NHSL2: variants seen among roughly 807,000 people sequenced by gnomAD.
The protein encoded by NHSL2 is NHS-like protein 2.
NHSL2 carries 27 observed loss-of-function variants against 53.4 expected under a neutral mutation model. The observed-to-expected ratio is 0.51, with a 90% CI of 0.37 to 0.70. NHSL2 has a LOEUF of 0.70. Among genes scored for constraint, NHSL2 ranks in the 30% least tolerant of loss-of-function variants. The pLI is 0.00. For synonymous variants in NHSL2, 408 were observed against 404.1 expected (o/e 1.01, Z -0.12); for missense variants, 892 against 980.1 (o/e 0.91, Z 1.20).
intron 1 of NHSL2, among the ~76,000 whole-genome samples, chrX:71,959,746 C>A (rs747581978): frequency 8.9e-6 from 1 of 112,115 alleles, no homozygotes; most frequent in Non-Finnish European, 1.9e-5. Context: ...AAAATAGCTT[C>A]TTTTACTTAA....
intron 1 of NHSL2, among the ~76,000 whole-genome samples, chrX:72,102,698 A>T (rs1259600913): frequency 1.8e-5 from 2 of 112,676 alleles, no homozygotes. Context: ...TATAATTTGT[A>T]AGTCACAGAA....
intron 1 of NHSL2, among the ~76,000 whole-genome samples, chrX:72,032,089 TAAAA>T (rs68182187): frequency 2.9e-5 from 3 of 103,127 alleles, no homozygotes; most frequent in Non-Finnish European, 5.8e-5. Context: ...GCCACTGAAG[TAAAA>T]AAAAAAAAAA....
chrX:72,093,746 C>A lies in NHSL2; in HGVS notation c.281-38333C>A, dbSNP rs1179451526. Among the ~76,000 whole-genome samples, 68 of 105,818 alleles carry A rather than the reference C, an allele frequency of 6.4e-4. No individual in the cohort carries two copies. The Admixed American group carries it at 7.0e-3, about 11-fold the overall frequency. The allele number at this position is 105,818 out of a possible 115,157, so 91.9% of individuals were successfully genotyped here. A position where few individuals can be genotyped will look rare whatever the true frequency, so the allele number is the denominator to read the frequency against. ...GCTTTCTTTCTTTCTTTCTTTCTTT[C>A]TTTCTTTCTTTCTTTCTTTCTTTCT... On this transcript the variant is annotated intron_variant, in intron 1 of 7. Coordinates refer to ENST00000633930, the MANE Select transcript of NHSL2 (RefSeq NM_001013627.3).
chrX:71,948,704 C>G (rs780599233), intron 1 of NHSL2, among the ~76,000 whole-genome samples: 1 of 109,499 alleles, frequency 9.1e-6, no homozygotes, highest in South Asian at 4.1e-4. Context: ...GAGGCACGCA[C>G]CTGTAGTCCC....
chrX:71,986,291 G>A (rs1028879127), intron 1 of NHSL2, among the ~76,000 whole-genome samples: 1 of 111,603 alleles, frequency 9.0e-6, no homozygotes, highest in African/African-American at 3.3e-5. Context: ...AAATATTAAA[G>A]GCTTAAGTCA....
chrX:72,136,669 C>A (rs2042358193), intron 4 of NHSL2, among the ~76,000 whole-genome samples: 1 of 111,361 alleles, frequency 9.0e-6, no homozygotes, highest in South Asian at 3.7e-4. Context: ...CACAGTCAAG[C>A]AGCATCTAGT....
chrX:72,094,511 T>C (rs1344785133), intron 1 of NHSL2, among the ~76,000 whole-genome samples: 1 of 108,895 alleles, frequency 9.2e-6, no homozygotes, highest in African/African-American at 3.3e-5. Flanking sequence ...AAAGAGTTCG[T>C]CATCTAAAAA....
chrX:71,959,811 CT>C (rs916811733), intron 1 of NHSL2, among the ~76,000 whole-genome samples: 39 of 111,755 alleles, frequency 3.5e-4, no homozygotes, highest in Non-Finnish European at 4.9e-4. Context: ...ATATCATTCT[CT>C]TTTTTTTGTG....
chrX:71,974,423 C>T (rs1249292700), intron 1 of NHSL2, among the ~76,000 whole-genome samples: 1 of 112,009 alleles, frequency 8.9e-6, no homozygotes, highest in East Asian at 2.8e-4. Flanking sequence ...AGCTATTCTC[C>T]AGAATAAGGC....
At chrX:72,014,189 A>G (rs745967805) in intron 1 of NHSL2, among the ~76,000 whole-genome samples, 1 of 112,137 alleles carries the variant, frequency 8.9e-6, no homozygotes, top group Non-Finnish European at 1.9e-5. Flanking sequence ...AGCAATTTGT[A>G]TGTCTTGCTA....
intron 1 of NHSL2, chrX:72,130,705 C>T (rs925431107): frequency 8.3e-7 from 1 of 1,210,320 alleles, no homozygotes; most frequent in Non-Finnish European, 1.1e-6. Context: ...TTCCGACAGG[C>T]CTTTGAGGAA....
At chrX:72,052,425 A>G (rs762205259) in intron 1 of NHSL2, among the ~76,000 whole-genome samples, 51 of 112,665 alleles carry the variant, frequency 4.5e-4, no homozygotes, top group African/African-American at 1.6e-3. Context: ...CATATTTCAG[A>G]TAAGTCACAG....
At chrX:71,983,988 C>T (rs61180919) in intron 1 of NHSL2, among the ~76,000 whole-genome samples, 1 of 111,359 alleles carries the variant, frequency 9.0e-6, no homozygotes, top group East Asian at 2.8e-4. Context: ...TTACTGGGAC[C>T]GCAGCCCAGC....
intron 1 of NHSL2, among the ~76,000 whole-genome samples, chrX:71,996,226 T>G (rs1569470434): frequency 2.6e-5 from 3 of 113,237 alleles, no homozygotes; most frequent in African/African-American, 3.2e-5. Context: ...AGGGCAGAGA[T>G]CCTCACTCCT....
chrX:72,072,848 A>G (rs997581002), intron 1 of NHSL2, among the ~76,000 whole-genome samples: 3 of 111,953 alleles, frequency 2.7e-5, no homozygotes, highest in Non-Finnish European at 5.6e-5. Flanking sequence ...TTCTAGGGCA[A>G]GGGCTACAAT....
At chrX:72,110,254 TAAC>T (rs2042080403) in intron 1 of NHSL2, among the ~76,000 whole-genome samples, 1 of 111,409 alleles carries the variant, frequency 9.0e-6, no homozygotes, top group Non-Finnish European at 1.9e-5. Context: ...ACCCGCGTTT[TAAC>T]AACATCCCCA....
intron 1 of NHSL2, among the ~76,000 whole-genome samples, chrX:71,970,135 A>G (rs1451983098): frequency 8.9e-6 from 1 of 111,824 alleles, no homozygotes; most frequent in Non-Finnish European, 1.9e-5. Context: ...TCTTTTTTAT[A>G]TATAGCTATA....
intron 1 of NHSL2, 51 bp downstream of exon 1, chrX:71,911,418 G>C: frequency 2.0e-6 from 2 of 1,000,019 alleles, no homozygotes; most frequent in Non-Finnish European, 2.6e-6. Context: ...CCCGCCTCTA[G>C]GGGCGCCGGT....
intron 1 of NHSL2, among the ~76,000 whole-genome samples, chrX:72,089,709 T>G (rs1397283800): frequency 9.0e-6 from 1 of 110,913 alleles, no homozygotes; most frequent in Non-Finnish European, 1.9e-5. Context: ...CTGTCTGCTC[T>G]GAGAAGCCAC....
Sources: gnomAD v4.1 joint callset for allele counts (sites outside exome capture counted in the v4.1 genomes callset) on GRCh38, gnomAD v4.1.1 for gene constraint, MANE v1.5 for transcripts, NCBI Gene and HGNC (gene_info 2026-07-23, HGNC 2026-07-21) for gene names.